EYA2: variants seen among roughly 807,000 people sequenced by gnomAD.
EYA2 encodes the protein EYA transcriptional coactivator and phosphatase 2.
In EYA2, 31 loss-of-function variants were observed where a neutral mutation model predicts 69.2. The ratio of observed to expected loss-of-function variants is 0.45; its 90% CI spans 0.34 to 0.60. The LOEUF is 0.60. Ranked by LOEUF, EYA2 falls within the 20% of genes least tolerant of loss-of-function variation. EYA2 has a pLI of 0.02. For synonymous variants in EYA2, 257 were observed against 279.4 expected, an observed-to-expected ratio of 0.92 and a Z score of 0.80; for missense variants, 622 against 701.2, an observed-to-expected ratio of 0.89 and a Z score of 1.28.
At chr20:47,048,843 C>T (rs556188612) in intron 5 of EYA2, among the ~76,000 whole-genome samples, 1 of 152,242 alleles carries the variant, frequency 6.6e-6, no homozygotes, top group Non-Finnish European at 1.5e-5. Context: ...TCTGTGTCCC[C>T]TGCTTCACTC....
intron 1 of EYA2, among the ~76,000 whole-genome samples, chr20:46,965,573 G>T (rs1192605219): frequency 1.3e-5 from 2 of 152,254 alleles, no homozygotes; most frequent in African/African-American, 4.8e-5. Flanking sequence ...CATAGCTCCT[G>T]AGTCTGACCT....
At chr20:46,929,964 G>A (rs1985596542) in intron 1 of EYA2, among the ~76,000 whole-genome samples, 2 of 152,218 alleles carry the variant, frequency 1.3e-5, no homozygotes, top group Admixed American at 1.3e-4. Context: ...ATTGGGATTA[G>A]ATAATGTCCA....
At chr20:46,938,153 AT>A (rs1474589062) in intron 1 of EYA2, among the ~76,000 whole-genome samples, 1 of 152,188 alleles carries the variant, frequency 6.6e-6, no homozygotes, top group Admixed American at 6.5e-5. Context: ...CAGCTCTTTA[AT>A]TTGGAAAATT....
intron 1 of EYA2, among the ~76,000 whole-genome samples, chr20:46,944,393 C>G (rs1978338460): frequency 6.6e-6 from 1 of 152,158 alleles, no homozygotes; most frequent in Non-Finnish European, 1.5e-5. Flanking sequence ...TCGGTCTCCT[C>G]ACCTGGGCAG....
intron 10 of EYA2, among the ~76,000 whole-genome samples, chr20:47,162,098 G>A (rs892550849): frequency 2.0e-5 from 3 of 152,160 alleles, no homozygotes; most frequent in Middle Eastern, 3.4e-3. Context: ...CATGTCACCC[G>A]GTCTCTGTCC....
chr20:46,935,731 C>G (rs938174440), intron 1 of EYA2, among the ~76,000 whole-genome samples: 3 of 151,662 alleles, frequency 2.0e-5, no homozygotes, highest in Non-Finnish European at 4.4e-5. Flanking sequence ...GTTCCTGGCA[C>G]GTAGTAAACT....
intron 1 of EYA2, 55 bp from the exon 2 acceptor site, chr20:46,989,946 T>A: frequency 1.1e-6 from 1 of 875,024 alleles, no homozygotes; most frequent in South Asian, 1.4e-5. Context: ...ATAGGAATCA[T>A]TAGCAAGCAT....
At chr20:47,168,790 A>G (rs983154129) in intron 10 of EYA2, among the ~76,000 whole-genome samples, 13 of 152,220 alleles carry the variant, frequency 8.5e-5, no homozygotes, top group Admixed American at 7.2e-4. Flanking sequence ...ATGTCTGGCC[A>G]TACTTGGGAA....
intron 1 of EYA2, among the ~76,000 whole-genome samples, chr20:46,950,972 C>G (rs536896039): frequency 1.3e-5 from 2 of 152,214 alleles, no homozygotes; most frequent in Non-Finnish European, 2.9e-5. Flanking sequence ...GCTTATAACA[C>G]GTGCCGCTGA....
At chr20:46,926,398 C>T (rs1000024300) in intron 1 of EYA2, among the ~76,000 whole-genome samples, 4 of 152,092 alleles carry the variant, frequency 2.6e-5, no homozygotes, top group African/African-American at 7.2e-5. Flanking sequence ...GACCTGAGAA[C>T]CAAAGAAACT....
chr20:47,069,854 A>C (rs1179555428), intron 5 of EYA2, among the ~76,000 whole-genome samples: 1 of 127,812 alleles, frequency 7.8e-6, no homozygotes, highest in Non-Finnish European at 1.6e-5. Context: ...ATATACATAC[A>C]TATATATGCA....
intron 9 of EYA2, among the ~76,000 whole-genome samples, chr20:47,121,698 G>C (rs1029986543): frequency 6.6e-6 from 1 of 152,118 alleles, no homozygotes; most frequent in Non-Finnish European, 1.5e-5. Flanking sequence ...CACTGGGTCA[G>C]ATCCTTTGCA....
intron 9 of EYA2, among the ~76,000 whole-genome samples, chr20:47,131,305 T>C (rs1267905091): frequency 6.6e-6 from 1 of 152,172 alleles, no homozygotes; most frequent in Non-Finnish European, 1.5e-5. Flanking sequence ...ACTATCCCTC[T>C]CAACTATTAC....
chr20:47,158,999 A>G lies in EYA2; in HGVS notation c.979-10140A>G, dbSNP rs1239913694. Among the ~76,000 whole-genome samples the G allele has an allele frequency of 2.0e-5, 3 of 152,180 alleles. No individual in the cohort carries two copies. In the Middle Eastern group the frequency reaches 0.01, roughly 518 times the overall value. ...AACCCAAAGTATAAAATAAGTATGT[A>G]TGAGTCTATGCTGATGTAGATAAAT... On this transcript the variant is annotated intron_variant, in intron 10 of 15. Coordinates refer to ENST00000327619, the MANE Select transcript of EYA2 (RefSeq NM_005244.5).
intron 1 of EYA2, among the ~76,000 whole-genome samples, chr20:46,934,821 C>G (rs1985838972): frequency 6.6e-6 from 1 of 152,082 alleles, no homozygotes; most frequent in South Asian, 2.1e-4. Flanking sequence ...AGGAATTGGA[C>G]CAGGAGATGG....
chr20:47,001,489 T>C lies in EYA2; in HGVS notation c.155+16T>C, dbSNP rs1476067266. 2.5e-6 allele frequency: 4 copies of C among 1,613,700 alleles called. No homozygotes were observed. The highest frequency in any genetic ancestry group is 3.4e-6 in the Non-Finnish European group (4 of 1,179,580). On this transcript the variant is annotated intron_variant, in intron 3 of 15. Transcript: ENST00000327619. ...TCTTCTCCAGGTGAGTGCCATTCAC[T>C]TGTCTCCTGCTCACATGCCCACCTT...
At chr20:47,007,211 G>A (rs555042908) in intron 4 of EYA2, among the ~76,000 whole-genome samples, 8 of 152,298 alleles carry the variant, frequency 5.3e-5, no homozygotes, top group Middle Eastern at 3.4e-3. Context: ...GACTACAAGC[G>A]GGAGCCACTG....
intron 5 of EYA2, among the ~76,000 whole-genome samples, chr20:47,029,897 G>A (rs1455678516): frequency 6.6e-6 from 1 of 152,174 alleles, no homozygotes; most frequent in Non-Finnish European, 1.5e-5. Flanking sequence ...AATTCTGCTT[G>A]TAAAATGGAC....
intron 9 of EYA2, among the ~76,000 whole-genome samples, chr20:47,128,961 A>T (rs2146573059): frequency 6.6e-6 from 1 of 152,234 alleles, no homozygotes; most frequent in African/African-American, 2.4e-5. Flanking sequence ...TGTCTTCATT[A>T]AAAAATACAA....
Sources: allele counts gnomAD v4.1 joint callset (sites outside exome capture counted in the v4.1 genomes callset), GRCh38; gene constraint gnomAD v4.1.1; transcripts MANE v1.5; gene names NCBI Gene and HGNC (gene_info 2026-07-23, HGNC 2026-07-21).